Variants in MEMO1 observed in about 807,000 individuals in gnomAD.
MEMO1 encodes the protein protein MEMO1.
Under a neutral mutation model 45.2 loss-of-function variants are expected in MEMO1, and 6 were observed. The ratio of observed to expected loss-of-function variants is 0.13; its 90% CI spans 0.07 to 0.26. The LOEUF is 0.26. MEMO1 is among the 10% of genes least tolerant of loss of function. The pLI is 1.00. For missense variants in MEMO1, 184 were observed against 370.5 expected (o/e 0.50, Z 4.13); for synonymous variants, 78 against 124.3 (o/e 0.63, Z 2.48).
At chr2:31,978,041 A>G (rs371965078) in intron 2 of MEMO1, among the ~76,000 whole-genome samples, 3 of 152,150 alleles carry the variant, frequency 2.0e-5, no homozygotes, top group African/African-American at 7.2e-5. Context: ...AGCACCAACT[A>G]CATGACTTTG....
At chr2:31,926,316 A>C (rs1397401577) in intron 4 of MEMO1, among the ~76,000 whole-genome samples, 1 of 150,320 alleles carries the variant, frequency 6.7e-6, no homozygotes, top group Non-Finnish European at 1.5e-5. Flanking sequence ...ACGCTGCGTG[A>C]GCTATGATCA....
At chr2:31,977,626 G>A (rs1369130535) in intron 2 of MEMO1, among the ~76,000 whole-genome samples, 1 of 152,096 alleles carries the variant, frequency 6.6e-6, no homozygotes, top group Non-Finnish European at 1.5e-5. Flanking sequence ...CGATTCTCCT[G>A]CCTCAGCCTC....
At chr2:31,954,220 G>A (rs1211342550) in intron 2 of MEMO1, among the ~76,000 whole-genome samples, 1 of 152,142 alleles carries the variant, frequency 6.6e-6, no homozygotes, top group African/African-American at 2.4e-5. Flanking sequence ...CCACAATCCT[G>A]AAAATGTTTA....
chr2:31,929,567 C>A lies in MEMO1; in HGVS notation c.212+2500G>T, dbSNP rs1683639067. Among the ~76,000 whole-genome samples the A allele has an allele frequency of 3.3e-5, 5 of 152,124 alleles. No homozygotes were observed. The South Asian group carries it at 1.0e-3, about 31-fold the overall frequency. On this transcript the variant is annotated intron_variant, in intron 4 of 9. Transcript: ENST00000404530. ...TGTTAGCAGAGGTTCTAAACCAATT[C>A]TTTTTCCAAGCTGCTAGTCAGCATT...
intron 2 of MEMO1, among the ~76,000 whole-genome samples, chr2:32,005,251 T>C (rs960447291): frequency 4.1e-4 from 62 of 149,784 alleles, no homozygotes; most frequent in African/African-American, 1.4e-3. Flanking sequence ...GCCCAGGAAG[T>C]TGAGGCTGCA....
intron 2 of MEMO1, among the ~76,000 whole-genome samples, chr2:31,981,507 T>G (rs1028994691): frequency 2.6e-5 from 4 of 152,268 alleles, no homozygotes; most frequent in Admixed American, 2.0e-4. Context: ...CTTGCCACAT[T>G]TGGCCTAATT....
At chr2:31,888,489 C>T (rs1243577500) in intron 7 of MEMO1, among the ~76,000 whole-genome samples, 1 of 151,982 alleles carries the variant, frequency 6.6e-6, no homozygotes, top group Non-Finnish European at 1.5e-5. Context: ...CTTGAGAAAA[C>T]AGAATGAAAA....
rs567645091 is a variant in MEMO1 at position 31,888,569 on chromosome 2, T to C, written c.580+3423A>G. Among the ~76,000 whole-genome samples the C allele has an allele frequency of 6.6e-5, 10 of 152,198 alleles. No individual in the cohort carries two copies. In the East Asian group the frequency reaches 1.2e-3, roughly 18 times the overall value. On this transcript the variant is annotated intron_variant, in intron 7 of 9. Transcript: ENST00000404530. The stretch of plus-strand genomic sequence containing the variant: ...TCATACGGAGCCATCCTATAGGATA[T>C]AGAACTTAATAAGCACAAAAAGTAT...
At chr2:31,901,703 T>C (rs1282431644) in intron 6 of MEMO1, among the ~76,000 whole-genome samples, 1 of 151,832 alleles carries the variant, frequency 6.6e-6, no homozygotes, top group African/African-American at 2.4e-5. Flanking sequence ...GGTCAGGACT[T>C]TGGGACCAGT....
chr2:31,944,842 T>C (rs1165966490), intron 2 of MEMO1, among the ~76,000 whole-genome samples: 1 of 152,156 alleles, frequency 6.6e-6, no homozygotes, highest in Non-Finnish European at 1.5e-5. Context: ...TTTAAAACTT[T>C]TAATCATTAA....
intron 2 of MEMO1, among the ~76,000 whole-genome samples, chr2:31,969,775 A>T (rs1669161583): frequency 6.9e-6 from 1 of 144,476 alleles, no homozygotes; most frequent in Non-Finnish European, 1.5e-5. Context: ...ACACCCAACT[A>T]ACTTTTTTTT....
At chr2:31,887,992 G>A (rs749340335) in intron 7 of MEMO1, among the ~76,000 whole-genome samples, 54 of 151,890 alleles carry the variant, frequency 3.6e-4, no homozygotes, top group Non-Finnish European at 4.7e-4. Flanking sequence ...TTTATAAAAA[G>A]GTAGTTATGT....
chr2:31,928,570 GA>G, intron 4 of MEMO1, among the ~76,000 whole-genome samples: 1 of 148,348 alleles, frequency 6.7e-6, no homozygotes, highest in South Asian at 2.1e-4. Context: ...AAAAGAAGAA[GA>G]AAAAGAAAAA....
intron 2 of MEMO1, among the ~76,000 whole-genome samples, chr2:31,992,124 A>G (rs1308547011): frequency 6.6e-6 from 1 of 152,220 alleles, no homozygotes; most frequent in East Asian, 1.9e-4. Context: ...CAACATAAAA[A>G]GGCATATTTC....
chr2:31,933,317 T>TAAAAAAAA (rs34487390), intron 3 of MEMO1, among the ~76,000 whole-genome samples: 2 of 24,110 alleles, frequency 8.3e-5, no homozygotes, highest in Non-Finnish European at 1.3e-4. Context: ...ACCACCTCTT[T>TAAAAAAAA]AAAAAAAAAA....
intron 3 of MEMO1, among the ~76,000 whole-genome samples, chr2:31,935,805 G>C (rs2148280008): frequency 6.6e-6 from 1 of 152,196 alleles, no homozygotes; most frequent in African/African-American, 2.4e-5. Context: ...GTTTTATCAA[G>C]AGATCATTCA....
chr2:31,934,877 C>A (rs1664725068), intron 3 of MEMO1, among the ~76,000 whole-genome samples: 1 of 152,104 alleles, frequency 6.6e-6, no homozygotes, highest in Non-Finnish European at 1.5e-5. Flanking sequence ...GTACTAATGT[C>A]ATGGTCTGGA....
intron 2 of MEMO1, among the ~76,000 whole-genome samples, chr2:31,996,196 G>T (rs1423803097): frequency 6.6e-6 from 1 of 151,542 alleles, no homozygotes; most frequent in Non-Finnish European, 1.5e-5. Context: ...GGGAGAGAGA[G>T]AGACAGAGGG....
At chr2:31,953,776 C>T (rs1269459675) in intron 2 of MEMO1, among the ~76,000 whole-genome samples, 2 of 152,050 alleles carry the variant, frequency 1.3e-5, no homozygotes, top group Non-Finnish European at 2.9e-5. Context: ...GATTTTGATA[C>T]ATATATTCAA....
Sources: gnomAD v4.1 joint callset for allele counts (sites outside exome capture counted in the v4.1 genomes callset) on GRCh38, gnomAD v4.1.1 for gene constraint, MANE v1.5 for transcripts, NCBI Gene and HGNC (gene_info 2026-07-23, HGNC 2026-07-21) for gene names.